The following OLR1 variants were observed in gnomAD, a reference collection of about 807,000 sequenced individuals.
The protein encoded by OLR1 is oxidized low-density lipoprotein receptor 1.
In OLR1, 23 loss-of-function variants were observed where a neutral mutation model predicts 31.7. That is an observed-to-expected ratio of 0.72 (90% CI 0.52 to 1.03). OLR1 has a LOEUF of 1.03. OLR1 is among the 50% of genes least tolerant of loss of function. The pLI is 0.00. For missense variants in OLR1, 286 were observed against 315.7 expected (o/e 0.91, Z 0.71); for synonymous variants, 117 against 115.8 (o/e 1.01, Z -0.07).
At chr12:10,175,287 T>G (rs1055798819), upstream of OLR1, 1 of 152,306 alleles carries the variant, frequency 6.6e-6, no homozygotes, top group South Asian at 2.1e-4. Flanking sequence ...TCTAGATTTT[T>G]AAAAGCAAGC....
chr12:10,162,849 A>G (rs1401403003), intron 3 of OLR1, among the ~76,000 whole-genome samples: 3 of 152,314 alleles, frequency 2.0e-5, no homozygotes, highest in Admixed American at 6.5e-5. Flanking sequence ...TTAGATGTAT[A>G]TAAGTTTTTT....
chr12:10,172,094 AGAAT>A lies in OLR1; in HGVS notation c.-21_-18del. 1.9e-6 allele frequency: 3 copies of A among 1,597,434 alleles called. No homozygotes were observed. Among genetic ancestry groups the A allele is most frequent in the Non-Finnish European group, 1.7e-6 (2 of 1,165,124 alleles). ...AAAAGTCATTTCCAAATTCAAGCTA[AGAAT>A]GAGAGAGTGAAGCAGTCACGAACTT... is the stretch of plus-strand genomic sequence containing the variant. On this transcript the variant is annotated 5_prime_UTR_variant, in exon 1 of 6. Coordinates refer to ENST00000309539, the MANE Select transcript of OLR1 (RefSeq NM_002543.4).
intron 1 of OLR1, among the ~76,000 whole-genome samples, chr12:10,170,020 C>T (rs1948697614): frequency 6.6e-6 from 1 of 151,996 alleles, no homozygotes; most frequent in African/African-American, 2.4e-5. Flanking sequence ...AAATAAGGTA[C>T]TCCTATCATT....
intron 3 of OLR1, among the ~76,000 whole-genome samples, chr12:10,165,144 T>C (rs928337428): frequency 6.6e-6 from 1 of 151,970 alleles, no homozygotes; most frequent in African/African-American, 2.4e-5. Flanking sequence ...GTGCCTCTAA[T>C]CCCAACTATT....
rs1327381390 is a variant in OLR1, at chr12:10,159,258, A to T, written c.*622T>A. 6.6e-6 allele frequency: 1 copy of T among 151,054 alleles called. No homozygotes were observed. Among genetic ancestry groups the T allele is most frequent in the Non-Finnish European group, 1.5e-5 (1 of 67,944 alleles). The allele number at this position is 151,054 out of a possible 1,614,324, so 9.4% of individuals were successfully genotyped here. A position where few individuals can be genotyped will look rare whatever the true frequency, so the allele number is the denominator to read the frequency against. ...AGAAAAGACCACTCACTTACTAATT[A>T]CTTTCTTGGGCTCCCCACTTGTCCC... On this transcript the variant is annotated 3_prime_UTR_variant, in exon 6 of 6. Transcript: ENST00000309539.
rs869134319 is a variant in OLR1 at position 10,161,944 on chromosome 12, TA to T, written c.425-1020del. 3.2e-4 allele frequency among the ~76,000 whole-genome samples: 17 copies of T among 53,172 alleles called. 1 individual carries two copies. The East Asian group carries it at 4.9e-3, about 15-fold the overall frequency. The allele number at this position is 53,172 out of a possible 152,430, so 34.9% of individuals were successfully genotyped here. A position where few individuals can be genotyped will look rare whatever the true frequency, so the allele number is the denominator to read the frequency against. Reference sequence around the variant, plus strand: ...TTAATGATATATATATATATATATATAAAAAACACATACTATATTTCTTTTG... The same window carrying T: ...TTAATGATATATATATATATATATATAAAAACACATACTATATTTCTTTTG... On this transcript the variant is annotated intron_variant, in intron 3 of 5. Coordinates refer to ENST00000309539, the MANE Select transcript of OLR1 (RefSeq NM_002543.4).
At chr12:10,160,300 G>T (rs1948609105) in intron 5 of OLR1, 47 bp downstream of exon 5, 1 of 1,455,172 alleles carries the variant, frequency 6.9e-7, no homozygotes, top group East Asian at 2.3e-5. Flanking sequence ...GTTCAGCAAA[G>T]AATAGGAAAC....
Position 10,167,195 on chromosome 12 carries a change from T to C in OLR1, c.179-238A>G, listed in dbSNP as rs1464002955. 6 of 396,974 alleles carry C rather than the reference T, an allele frequency of 1.5e-5. No individual in the cohort carries two copies. The East Asian group carries it at 3.1e-4, about 21-fold the overall frequency. 24.6% of individuals were successfully genotyped at this position (396,974 alleles called of 1,614,324 possible). Reference sequence around the variant, plus strand: ...ATTTTTTTAAAAATTACCAAGATTTTGGCCAGGCACGGTGGCTCAGGTCTG... The same window carrying C: ...ATTTTTTTAAAAATTACCAAGATTTCGGCCAGGCACGGTGGCTCAGGTCTG... On this transcript the variant is annotated intron_variant, in intron 2 of 5. Coordinates refer to ENST00000309539, the MANE Select transcript of OLR1 (RefSeq NM_002543.4).
At position 10,166,673 on chromosome 12, in the gene OLR1, G is replaced by A. The variant is rs202177631; in HGVS notation, c.424+39C>T. The A allele has an allele frequency of 2.8e-4, 456 of 1,610,226 alleles. 1 individual carries two copies. The highest frequency in any genetic ancestry group is 8.3e-4 in the Middle Eastern group (5 of 6,060). On this transcript the variant is annotated intron_variant, in intron 3 of 5. Coordinates refer to ENST00000309539, the MANE Select transcript of OLR1 (RefSeq NM_002543.4). ...AAAAATAGTTATGATTGGACAGAAA[G>A]CTTCCACTATGTCTCCTTACCCACC...
chr12:10,176,036 A>G (rs7300650), upstream of OLR1, among the ~76,000 whole-genome samples: 81,137 of 152,142 alleles, frequency 0.53, 22,495 homozygotes, highest in Middle Eastern at 0.71. Flanking sequence ...AACTACCTGG[A>G]CATAAGCTAA....
chr12:10,170,981 C>T (rs1316489678), intron 1 of OLR1: 11 of 151,994 alleles, frequency 7.2e-5, no homozygotes, highest in Admixed American at 2.0e-4. Context: ...CAGTAGGTAC[C>T]GATCTAACCA....
intron 3 of OLR1, among the ~76,000 whole-genome samples, chr12:10,164,095 T>C (rs1283384424): frequency 1.3e-5 from 2 of 152,244 alleles, no homozygotes; most frequent in Non-Finnish European, 2.9e-5. Context: ...CCAGGGCATC[T>C]CTGGGAGATA....
intron 4 of OLR1, 160 bp downstream of exon 4, chr12:10,160,626 G>A (rs35143116): frequency 3.8e-5 from 39 of 1,014,142 alleles, no homozygotes; most frequent in Middle Eastern, 2.4e-4. Flanking sequence ...ATACTACAGA[G>A]CCTGTCCGTC....
upstream of OLR1, chr12:10,172,249 A>G (rs1948729178): frequency 3.6e-6 from 2 of 562,030 alleles, no homozygotes; most frequent in African/African-American, 3.7e-5. Context: ...AAGTTCGCTG[A>G]CGCAAATTCT....
intron 1 of OLR1, among the ~76,000 whole-genome samples, chr12:10,169,921 A>C (rs1400302761): frequency 9.8e-6 from 1 of 101,710 alleles, no homozygotes; most frequent in East Asian, 4.5e-4. Flanking sequence ...GTGTTCCACC[A>C]CTAAAAAAAA....
chr12:10,163,050 T>C (rs1948633141), intron 3 of OLR1, among the ~76,000 whole-genome samples: 1 of 152,148 alleles, frequency 6.6e-6, no homozygotes, highest in South Asian at 2.1e-4. Flanking sequence ...ACTTACTATG[T>C]TTATTTTTTA....
Position 10,166,722 on chromosome 12 carries a change from T to C in OLR1, c.414A>G (p.Ala138=). 1 of 1,614,072 alleles carries C rather than the reference T, an allele frequency of 6.2e-7. No homozygotes were observed. The highest frequency in any genetic ancestry group is 8.5e-7 in the Non-Finnish European group (1 of 1,180,020). ...CCCTTCTCCCAATACCTGAACAATT[T>C]GCTACTCTCTTCAGTGTTTCTTGGA... ...LNLQETLKRV[A]NCSAPCPQDW... The change falls in exon 3 of 6, where the codon GCA becomes GCG. Residue 138 remains alanine (A), a synonymous_variant. Transcript: ENST00000309539.
intron 3 of OLR1, among the ~76,000 whole-genome samples, chr12:10,164,925 T>C (rs1166227884): frequency 6.6e-6 from 1 of 152,192 alleles, no homozygotes; most frequent in Non-Finnish European, 1.5e-5. Context: ...TAATCTGAAG[T>C]ATCTGCGTAA....
At chr12:10,163,325 T>C (rs754908570) in intron 3 of OLR1, among the ~76,000 whole-genome samples, 6 of 152,170 alleles carry the variant, frequency 3.9e-5, no homozygotes, top group Non-Finnish European at 5.9e-5. Flanking sequence ...CGAGACATTT[T>C]GATACAGAAT....
Sources: gnomAD v4.1 joint callset for allele counts (sites outside exome capture counted in the v4.1 genomes callset) on GRCh38, gnomAD v4.1.1 for gene constraint, MANE v1.5 for transcripts, NCBI Gene and HGNC (gene_info 2026-07-23, HGNC 2026-07-21) for gene names.